Variants in EDNRA observed in about 807,000 individuals in gnomAD.
EDNRA encodes the protein endothelin receptor type A.
Under a neutral mutation model 41.4 loss-of-function variants are expected in EDNRA, and 11 were observed. The observed-to-expected ratio is 0.27, with a 90% CI of 0.17 to 0.44. EDNRA has a LOEUF of 0.44. EDNRA is among the 20% of genes least tolerant of loss of function. The pLI is 1.00. For synonymous variants in EDNRA, 172 were observed against 183.0 expected (o/e 0.94, Z 0.49); for missense variants, 294 against 531.0 (o/e 0.55, Z 4.39).
chr4:147,526,550 A>G (rs1345201005), intron 3 of EDNRA, among the ~76,000 whole-genome samples: 1 of 152,220 alleles, frequency 6.6e-6, no homozygotes. Flanking sequence ...ACATCATTCT[A>G]GCCACACTCA....
chr4:147,541,067 CAAAAAAAAAAAAAAA>C (rs10551607), intron 7 of EDNRA, among the ~76,000 whole-genome samples: 121 of 46,174 alleles, frequency 2.6e-3, no homozygotes, highest in Non-Finnish European at 4.2e-3. Context: ...GACTCAGTCT[CAAAAAAAAAAAAAAA>C]AAAAAAAAAA....
At chr4:147,528,153 T>A (rs932169886) in intron 3 of EDNRA, among the ~76,000 whole-genome samples, 27 of 152,102 alleles carry the variant, frequency 1.8e-4, no homozygotes, top group African/African-American at 6.3e-4. Flanking sequence ...TCACCAGAAT[T>A]CCCTAGAGAT....
chr4:147,507,210 A>AG (rs60595630), intron 2 of EDNRA, among the ~76,000 whole-genome samples: 3 of 150,972 alleles, frequency 2.0e-5, no homozygotes, highest in South Asian at 2.1e-4. Context: ...CCTTATTTTG[A>AG]GGGGGGAAAA....
chr4:147,542,179 T>A (rs1394175953), intron 7 of EDNRA, among the ~76,000 whole-genome samples: 1 of 152,186 alleles, frequency 6.6e-6, no homozygotes, highest in Non-Finnish European at 1.5e-5. Context: ...AGCCCAGCCC[T>A]ACCCGTGCCT....
intron 2 of EDNRA, among the ~76,000 whole-genome samples, chr4:147,514,102 C>A (rs1471675676): frequency 6.6e-6 from 1 of 152,160 alleles, no homozygotes; most frequent in Non-Finnish European, 1.5e-5. Flanking sequence ...TTGCAGAATT[C>A]TTTCATATGC....
intron 2 of EDNRA, among the ~76,000 whole-genome samples, chr4:147,496,849 G>C (rs1349883529): frequency 2.0e-5 from 3 of 152,180 alleles, no homozygotes; most frequent in African/African-American, 7.2e-5. Context: ...GCATTATTAA[G>C]TAGTTTCTAG....
At chr4:147,501,793 T>C (rs1012463812) in intron 2 of EDNRA, among the ~76,000 whole-genome samples, 5 of 152,348 alleles carry the variant, frequency 3.3e-5, no homozygotes, top group Non-Finnish European at 5.9e-5. Context: ...TCTTTTGTTT[T>C]TGCAGACTAT....
rs1418750688 is a variant in EDNRA, at chr4:147,483,915, C to A, written c.-70-1697C>A. On this transcript the variant is annotated intron_variant, in intron 1 of 7. Coordinates refer to ENST00000651419, the MANE Select transcript of EDNRA (RefSeq NM_001957.4). ...TTTTTATGTTTTGTAAAGACAGGGT[C>A]TCACTAAGTTGCCCAGGCTAGTTTC... is the stretch of plus-strand genomic sequence containing the variant. Among the ~76,000 whole-genome samples, 3 of 151,922 alleles carry A rather than the reference C, an allele frequency of 2.0e-5. No homozygotes were observed. The East Asian group carries it at 5.8e-4, about 29-fold the overall frequency.
At chr4:147,524,997 C>T (rs1032891235) in intron 3 of EDNRA, among the ~76,000 whole-genome samples, 1 of 152,202 alleles carries the variant, frequency 6.6e-6, no homozygotes, top group Non-Finnish European at 1.5e-5. Flanking sequence ...TCCCTGCTTT[C>T]ATTTTATGAG....
chr4:147,507,411 G>A (rs530262523), intron 2 of EDNRA, among the ~76,000 whole-genome samples: 5 of 152,272 alleles, frequency 3.3e-5, no homozygotes, highest in East Asian at 3.9e-4. Context: ...CCGGAGAACC[G>A]TGCTAAGTGA....
chr4:147,533,921 A>G (rs1287720693), intron 4 of EDNRA, among the ~76,000 whole-genome samples: 1 of 152,178 alleles, frequency 6.6e-6, no homozygotes, highest in African/African-American at 2.4e-5. Context: ...AGTAAAGGGT[A>G]TGAGTTGAAC....
intron 2 of EDNRA, among the ~76,000 whole-genome samples, chr4:147,512,028 A>G (rs1229614152): frequency 1.3e-5 from 2 of 152,182 alleles, no homozygotes; most frequent in East Asian, 3.8e-4. Context: ...TATGAATTAA[A>G]CCTTAAAGTA....
intron 2 of EDNRA, among the ~76,000 whole-genome samples, chr4:147,512,317 A>C (rs1221909320): frequency 1.3e-5 from 2 of 152,186 alleles, no homozygotes; most frequent in African/African-American, 2.4e-5. Flanking sequence ...AAAGGAAAAA[A>C]TCTTCATGGC....
At chr4:147,487,145 A>G (rs1264738275) in intron 2 of EDNRA, among the ~76,000 whole-genome samples, 3 of 152,158 alleles carry the variant, frequency 2.0e-5, no homozygotes, top group Non-Finnish European at 4.4e-5. Flanking sequence ...TCACTAATGC[A>G]AGGACAGCAC....
intron 1 of EDNRA, among the ~76,000 whole-genome samples, chr4:147,482,339 G>A (rs1476097790): frequency 6.6e-6 from 1 of 152,148 alleles, no homozygotes; most frequent in Non-Finnish European, 1.5e-5. Flanking sequence ...TAAGCGTAAG[G>A]ATTCAGTCCT....
At chr4:147,504,235 TAA>T (rs1281665785) in intron 2 of EDNRA, among the ~76,000 whole-genome samples, 1 of 152,244 alleles carries the variant, frequency 6.6e-6, no homozygotes, top group Non-Finnish European at 1.5e-5. Context: ...GGCAGTTCTG[TAA>T]AGATTAGTTG....
chr4:147,505,202 T>TAA (rs565487803), intron 2 of EDNRA, among the ~76,000 whole-genome samples: 1,526 of 90,300 alleles, frequency 0.017, 24 homozygotes, highest in African/African-American at 0.071. Context: ...GGCTAAAATG[T>TAA]AAAAAAAAAA....
At chr4:147,493,460 G>A (rs937481818) in intron 2 of EDNRA, 1 of 152,046 alleles carries the variant, frequency 6.6e-6, no homozygotes, top group African/African-American at 2.4e-5. Context: ...AATCAAGTGT[G>A]TTGTCGCTGA....
At chr4:147,499,442 C>T (rs1213256864) in intron 2 of EDNRA, among the ~76,000 whole-genome samples, 1 of 152,156 alleles carries the variant, frequency 6.6e-6, no homozygotes, top group African/African-American at 2.4e-5. Flanking sequence ...ATAAAGTAGG[C>T]TTATTCCTAA....
Sources: allele counts gnomAD v4.1 joint callset (sites outside exome capture counted in the v4.1 genomes callset), GRCh38; gene constraint gnomAD v4.1.1; transcripts MANE v1.5; gene names NCBI Gene and HGNC (gene_info 2026-07-23, HGNC 2026-07-21).